The following SCAPER variants were observed in gnomAD, a reference collection of about 807,000 sequenced individuals.
SCAPER encodes the protein S-phase cyclin A associated protein in the ER.
In SCAPER, 98 loss-of-function variants were observed where a neutral mutation model predicts 182.2. The ratio of observed to expected loss-of-function variants is 0.54; its 90% CI spans 0.46 to 0.64. The LOEUF is 0.64. Among genes scored for constraint, SCAPER ranks in the 30% least tolerant of loss-of-function variants. SCAPER has a pLI of 0.00. For missense variants in SCAPER, 1,432 were observed against 1,690.0 expected, an observed-to-expected ratio of 0.85 and a Z score of 2.68; for synonymous variants, 605 against 564.6, an observed-to-expected ratio of 1.07 and a Z score of -1.01.
intron 29 of SCAPER, among the ~76,000 whole-genome samples, chr15:76,361,667 T>G (rs1046465181): frequency 1.3e-5 from 2 of 152,180 alleles, no homozygotes; most frequent in Non-Finnish European, 2.9e-5. Flanking sequence ...TAAGCAGACA[T>G]GAGAATTCAA....
chr15:76,561,256 G>A (rs539440382), intron 23 of SCAPER, among the ~76,000 whole-genome samples: 1 of 152,142 alleles, frequency 6.6e-6, no homozygotes, highest in South Asian at 2.1e-4. Flanking sequence ...GGCCAAAAGA[G>A]CTTATAATTT....
chr15:76,613,064 C>A (rs2051144311), intron 22 of SCAPER, among the ~76,000 whole-genome samples: 1 of 152,080 alleles, frequency 6.6e-6, no homozygotes, highest in Non-Finnish European at 1.5e-5. Context: ...GGTACTGGTA[C>A]AATACAGACA....
intron 10 of SCAPER, among the ~76,000 whole-genome samples, chr15:76,770,570 T>C (rs1223078297): frequency 1.3e-5 from 2 of 152,060 alleles, no homozygotes; most frequent in African/African-American, 4.8e-5. Flanking sequence ...AATTTGACCC[T>C]CAAAATAACC....
intron 25 of SCAPER, among the ~76,000 whole-genome samples, chr15:76,459,938 C>T (rs1008211098): frequency 1.3e-5 from 2 of 152,064 alleles, no homozygotes; most frequent in African/African-American, 2.4e-5. Context: ...GTCCATTCCC[C>T]AGTGTATGTT....
At chr15:76,564,792 AAAC>A (rs1374937252) in intron 23 of SCAPER, among the ~76,000 whole-genome samples, 1 of 152,222 alleles carries the variant, frequency 6.6e-6, no homozygotes, top group Non-Finnish European at 1.5e-5. Flanking sequence ...ACGATAACCA[AAAC>A]AGCATGGTAC....
intron 29 of SCAPER, 58 bp downstream of exon 29, chr15:76,376,104 A>G: frequency 6.3e-7 from 1 of 1,595,202 alleles, no homozygotes; most frequent in Non-Finnish European, 8.5e-7. Context: ...TCTCATTCCA[A>G]TACCTCACAC....
At chr15:76,571,817 T>C (rs1301964925) in intron 23 of SCAPER, among the ~76,000 whole-genome samples, 1 of 152,190 alleles carries the variant, frequency 6.6e-6, no homozygotes, top group Non-Finnish European at 1.5e-5. Context: ...CAAAAAGGAA[T>C]GGCTATTTAC....
At chr15:76,734,506 C>T (rs1397695696) in intron 15 of SCAPER, among the ~76,000 whole-genome samples, 1 of 152,168 alleles carries the variant, frequency 6.6e-6, no homozygotes, top group East Asian at 1.9e-4. Flanking sequence ...AATCTCCATG[C>T]CATGATACCA....
intron 25 of SCAPER, among the ~76,000 whole-genome samples, chr15:76,453,147 T>C (rs1005582852): frequency 2.0e-5 from 3 of 152,204 alleles, no homozygotes; most frequent in African/African-American, 4.8e-5. Flanking sequence ...AGGACCTTTT[T>C]CCCTGAACCT....
intron 7 of SCAPER, among the ~76,000 whole-genome samples, chr15:76,798,794 T>G (rs937068455): frequency 3.3e-5 from 5 of 152,042 alleles, no homozygotes; most frequent in African/African-American, 1.2e-4. Context: ...TTCTACATAC[T>G]ACAAAACTGC....
intron 27 of SCAPER, among the ~76,000 whole-genome samples, chr15:76,385,691 G>A (rs980907192): frequency 2.2e-4 from 34 of 152,146 alleles, no homozygotes; most frequent in African/African-American, 8.2e-4. Context: ...CATTCATCAG[G>A]GTTTAAGGTG....
At chr15:76,758,477 G>T (rs2062581362) in intron 14 of SCAPER, among the ~76,000 whole-genome samples, 1 of 152,066 alleles carries the variant, frequency 6.6e-6, no homozygotes, top group South Asian at 2.1e-4. Flanking sequence ...AAATTGTTTT[G>T]ATTACTATAC....
chr15:76,547,790 C>A (rs974142845), intron 23 of SCAPER, among the ~76,000 whole-genome samples: 4 of 152,024 alleles, frequency 2.6e-5, no homozygotes, highest in African/African-American at 7.2e-5. Context: ...TAATATTTTC[C>A]AATAATCTAT....
chr15:76,362,439 G>C (rs2041497844), intron 29 of SCAPER, among the ~76,000 whole-genome samples: 2 of 148,806 alleles, frequency 1.3e-5, no homozygotes, highest in African/African-American at 5.0e-5. Context: ...TCAAGATGGA[G>C]TCTTGCTCTG....
chr15:76,832,464 A>G (rs1321086399), intron 5 of SCAPER, among the ~76,000 whole-genome samples: 1 of 152,236 alleles, frequency 6.6e-6, no homozygotes, highest in Non-Finnish European at 1.5e-5. Flanking sequence ...AACCTCTGAG[A>G]AATATGTGAT....
At chr15:76,506,222 TA>T (rs912941850) in intron 23 of SCAPER, among the ~76,000 whole-genome samples, 14 of 152,142 alleles carry the variant, frequency 9.2e-5, no homozygotes, top group African/African-American at 2.9e-4. Flanking sequence ...TAATCAATAA[TA>T]ATTTAATTGT....
chr15:76,530,879 T>C (rs544741175), intron 23 of SCAPER, among the ~76,000 whole-genome samples: 5 of 151,816 alleles, frequency 3.3e-5, no homozygotes, highest in African/African-American at 7.3e-5. Context: ...CAAAGAACTT[T>C]AAAGTTATGT....
rs56171197 is a variant in SCAPER at position 76,678,264 on chromosome 15, G to A, written c.2509-12475C>T. Among the ~76,000 whole-genome samples, 300 of 152,106 alleles carry A rather than the reference G, an allele frequency of 2.0e-3. 1 individual carries two copies. Among genetic ancestry groups the A allele is most frequent in the African/African-American group, 6.9e-3 (286 of 41,526 alleles). ...TTTAAAGTTTATTTTTAAGACCAGG[G>A]TGGAAACCAAGTTACAAATCTAAAT... On this transcript the variant is annotated intron_variant, in intron 20 of 31. Coordinates refer to ENST00000563290, the MANE Select transcript of SCAPER (RefSeq NM_020843.4).
At chr15:76,471,369 C>G (rs766620207) in intron 24 of SCAPER, 34 bp from the exon 25 acceptor site, 3 of 1,574,814 alleles carry the variant, frequency 1.9e-6, no homozygotes, top group Non-Finnish European at 2.6e-6. Flanking sequence ...TTTATAAAAC[C>G]CGAGCAGCTC....
Sources: allele counts gnomAD v4.1 joint callset (sites outside exome capture counted in the v4.1 genomes callset), GRCh38; gene constraint gnomAD v4.1.1; transcripts MANE v1.5; gene names NCBI Gene and HGNC (gene_info 2026-07-23, HGNC 2026-07-21).